KIF22: variants seen among roughly 807,000 people sequenced by gnomAD.
KIF22 encodes the protein kinesin family member 22.
Under a neutral mutation model 73.0 loss-of-function variants are expected in KIF22, and 62 were observed. The ratio of observed to expected loss-of-function variants is 0.85; its 90% CI spans 0.69 to 1.05. KIF22 has a LOEUF of 1.05. Among genes scored for constraint, KIF22 ranks in the 50% least tolerant of loss-of-function variants. The pLI is 0.00. For missense variants in KIF22, 854 were observed against 870.1 expected (o/e 0.98, Z 0.23); for synonymous variants, 411 against 340.1 (o/e 1.21, Z -2.29).
Position 29,798,287 on chromosome 16 carries a change from ACCCACC to A in KIF22, c.267-78_267-73del. 1 of 590,610 alleles carries A rather than the reference ACCCACC, an allele frequency of 1.7e-6. No homozygotes were observed. Among genetic ancestry groups the A allele is most frequent in the Non-Finnish European group, 2.9e-6 (1 of 343,542 alleles). 36.6% of individuals were successfully genotyped at this position (590,610 alleles called of 1,614,324 possible). A position where few individuals can be genotyped will look rare whatever the true frequency, so the allele number is the denominator to read the frequency against. The stretch of plus-strand genomic sequence containing the variant: ...GGTCCAGATGAGAGTAGAATCCCTT[ACCCACC>A]CCCACCCCACTCCACCCCTTACACA... On this transcript the variant is annotated intron_variant, in intron 2 of 13. Transcript: ENST00000160827. The surrounding 1 kb of genome is among the most constrained non-coding windows in gnomAD (Gnocchi z 4.1).
intron 1 of KIF22, among the ~76,000 whole-genome samples, chr16:29,793,808 A>G (rs1031411806): frequency 1.3e-5 from 2 of 152,162 alleles, no homozygotes; most frequent in Admixed American, 1.3e-4. Context: ...GACGGATCCT[A>G]GGATGAGGAG....
At chr16:29,804,346 CTA>C in intron 11 of KIF22, 1 of 602,032 alleles carries the variant, frequency 1.7e-6, no homozygotes, top group Non-Finnish European at 3.0e-6. Context: ...ACTTAGGGAA[CTA>C]TGACCTAAGC....
In KIF22 at chr16:29,797,207, C is replaced by T; in HGVS notation, c.266+119C>T. ...CCTTAGCACCGCTTTGTTCCCTGAGCCTTCACTGTTCACTTAGGAAATGTT... is the reference window on the plus strand; with the variant it reads ...CCTTAGCACCGCTTTGTTCCCTGAGTCTTCACTGTTCACTTAGGAAATGTT... On this transcript the variant is annotated intron_variant, in intron 2 of 13. Transcript: ENST00000160827. The surrounding 1 kb of genome is among the most constrained non-coding windows in gnomAD (Gnocchi z 4.1). 2.8e-6 allele frequency: 2 copies of T among 716,914 alleles called. No individual in the cohort carries two copies. Among genetic ancestry groups the T allele is most frequent in the Non-Finnish European group, 4.5e-6 (2 of 441,810 alleles). The allele number at this position is 716,914 out of a possible 1,614,324, so 44.4% of individuals were successfully genotyped here.
chr16:29,801,971 T>C (rs1038630370), intron 8 of KIF22, among the ~76,000 whole-genome samples: 4 of 151,986 alleles, frequency 2.6e-5, no homozygotes, highest in African/African-American at 7.3e-5. Context: ...AATAAATGAA[T>C]GTTAGACGTT....
At chr16:29,802,973 T>A in intron 9 of KIF22, 36 bp downstream of exon 9, 1 of 1,599,760 alleles carries the variant, frequency 6.3e-7, no homozygotes, top group Non-Finnish European at 8.5e-7. Context: ...TGGATTCCTA[T>A]TGGCCTTGAG....
intron 8 of KIF22, among the ~76,000 whole-genome samples, chr16:29,802,267 CAAAAAAAAAAAAA>C (rs71389599): frequency 1.8e-4 from 6 of 33,914 alleles, no homozygotes; most frequent in South Asian, 1.1e-3. Context: ...GACCCTGTCT[CAAAAAAAAAAAAA>C]AAAAAAAAAA....
rs376979564 is a variant in KIF22 at position 29,796,891 on chromosome 16, A to G, written c.71-2A>G. ...GTCTAAAAGTGATCTTCTCTCCTCC[A>G]GGAGCTGGTCGCTGTCGGCTAAGCA... On this transcript the variant is annotated splice_acceptor_variant, in intron 1 of 13. Transcript: ENST00000160827. LOFTEE classifies it high-confidence loss of function. The G allele has an allele frequency of 1.9e-6, 3 of 1,613,890 alleles. No homozygotes were observed. The highest frequency in any genetic ancestry group is 1.3e-5 in the African/African-American group (1 of 74,898).
intron 8 of KIF22, 87 bp downstream of exon 8, chr16:29,800,135 A>G: frequency 1.4e-6 from 2 of 1,434,444 alleles, no homozygotes; most frequent in South Asian, 2.7e-5. Flanking sequence ...TTGAGCAGAG[A>G]GCTGTGATCT....
chr16:29,803,803 G>A (rs969042175), intron 10 of KIF22, among the ~76,000 whole-genome samples, 195 bp downstream of exon 10: 7 of 152,208 alleles, frequency 4.6e-5, no homozygotes, highest in Non-Finnish European at 8.8e-5. Context: ...GGACAAACGA[G>A]TAGAGGATTG....
chr16:29,802,820 C>T lies in KIF22; in HGVS notation c.1332C>T (p.Leu444=). ...ACCCGGCCATGCTGGAGCGCCTCCT[C>T]AGCTTGGACCGTCTGCTTGCCTCCC... is the stretch of plus-strand genomic sequence containing the variant. The part of the protein sequence containing the change: ...SMDPAMLERL[L]SLDRLLASQG... Residue 444 remains leucine, a synonymous_variant, in exon 9 of 14, where the codon CTC becomes CTT. Coordinates refer to ENST00000160827, the MANE Select transcript of KIF22 (RefSeq NM_007317.3). 6.2e-7 allele frequency: 1 copy of T among 1,609,592 alleles called. No homozygotes were observed. Among genetic ancestry groups the T allele is most frequent in the South Asian group, 1.1e-5 (1 of 90,158 alleles).
chr16:29,793,636 T>C (rs1898877416), intron 1 of KIF22, among the ~76,000 whole-genome samples: 1 of 151,850 alleles, frequency 6.6e-6, no homozygotes, highest in African/African-American at 2.4e-5. Flanking sequence ...TCTGGAGAGA[T>C]TTTTAGTTGT....
intron 1 of KIF22, among the ~76,000 whole-genome samples, chr16:29,793,031 G>A (rs924563505): frequency 6.6e-6 from 1 of 152,186 alleles, no homozygotes; most frequent in African/African-American, 2.4e-5. Flanking sequence ...GATGTGGGAG[G>A]TAAGAGACGT....
Position 29,802,931 on chromosome 16 carries a change from G to A in KIF22, c.1443G>A (p.Glu481=), listed in dbSNP as rs1899192679. 1.1e-5 allele frequency: 17 copies of A among 1,612,008 alleles called. No individual in the cohort carries two copies. The highest frequency in any genetic ancestry group is 1.4e-5 in the Non-Finnish European group (17 of 1,179,336). The stretch of plus-strand genomic sequence containing the variant: ...AGACAGTGGAAGAGAAGGACCTAGA[G>A]ATTGAGGTACGTGTTTTAGGGATGT... The part of the protein sequence containing the change: ...LMKTVEEKDL[E]IERLKTKQKE... The change falls in exon 9 of 14, where the codon GAG becomes GAA. Residue 481 remains glutamate (E), a synonymous_variant. Transcript: ENST00000160827.
In KIF22 at chr16:29,799,254, T is replaced by G. The variant is rs761181341; in HGVS notation, c.760-10T>G. ...TGAGCTAAGCACGAGACCTTTGTTC[T>G]TACCCCCAGGTGGACCAGCGGGAAC... On this transcript the variant is annotated splice_polypyrimidine_tract_variant and intron_variant, in intron 5 of 13. Coordinates refer to ENST00000160827, the MANE Select transcript of KIF22 (RefSeq NM_007317.3). 6.8e-6 allele frequency: 11 copies of G among 1,612,704 alleles called. No homozygotes were observed. In the African/African-American group the frequency reaches 1.5e-4, roughly 22 times the overall value.
chr16:29,795,945 G>A (rs955548100), intron 1 of KIF22, among the ~76,000 whole-genome samples: 1 of 151,948 alleles, frequency 6.6e-6, no homozygotes, highest in Non-Finnish European at 1.5e-5. Context: ...GTATACATAC[G>A]TCTCAATACA....
chr16:29,800,802 A>T (rs1329986219), intron 8 of KIF22, among the ~76,000 whole-genome samples: 1 of 152,130 alleles, frequency 6.6e-6, no homozygotes, highest in Non-Finnish European at 1.5e-5. Flanking sequence ...TTCCCCCCAA[A>T]TTCTACTCCA....
chr16:29,799,746 A>G lies in KIF22; in HGVS notation c.1109A>G (p.Asn370Ser), dbSNP rs369734266. 19 of 1,613,274 alleles carry G rather than the reference A, an allele frequency of 1.2e-5. 1 individual carries two copies. The highest frequency in any genetic ancestry group is 2.2e-5 in the South Asian group (2 of 90,916). Residue 370 changes from asparagine (N) to serine (S), a missense_variant, in exon 7 of 14, where the codon AAT becomes AGT. Physicochemically the swap from Asn to Ser is conservative, Grantham distance 46. Coordinates refer to ENST00000160827, the MANE Select transcript of KIF22 (RefSeq NM_007317.3). ...NFAARSKEVI[N>S]RPFTNESLQP... ...GCTGCCAGGTCCAAGGAGGTGATCA[A>G]TCGGCCTTTTACCAATGAGAGCCTG...
At chr16:29,802,551 A>G (rs761555638) in intron 8 of KIF22, among the ~76,000 whole-genome samples, 1 of 152,056 alleles carries the variant, frequency 6.6e-6, no homozygotes, top group African/African-American at 2.4e-5. Context: ...GGTCTCTCAT[A>G]CCTGGCACTC....
Position 29,798,291 on chromosome 16 carries a change from A to T in KIF22, c.267-83A>T, listed in dbSNP as rs1343366684. The T allele has an allele frequency of 5.8e-6, 4 of 692,306 alleles. 1 individual carries two copies. The highest frequency in any genetic ancestry group is 5.5e-5 in the Admixed American group (2 of 36,336). The allele number at this position is 692,306 out of a possible 1,614,324, so 42.9% of individuals were successfully genotyped here. ...CAGATGAGAGTAGAATCCCTTACCC[A>T]CCCCCACCCCACTCCACCCCTTACA... On this transcript the variant is annotated intron_variant, in intron 2 of 13. Coordinates refer to ENST00000160827, the MANE Select transcript of KIF22 (RefSeq NM_007317.3). The surrounding 1 kb of genome is among the most constrained non-coding windows in gnomAD (Gnocchi z 4.1).
Sources: gnomAD v4.1 joint callset for allele counts (sites outside exome capture counted in the v4.1 genomes callset) on GRCh38, gnomAD v4.1.1 for gene constraint, Gnocchi (gnomAD v3.1) non-coding constraint, MANE v1.5 for transcripts, NCBI Gene and HGNC (gene_info 2026-07-23, HGNC 2026-07-21) for gene names.